The following RFX3 variants were observed in gnomAD, a reference collection of about 807,000 sequenced individuals.
RFX3 encodes the protein regulatory factor X3.
A neutral mutation model predicts 98.6 loss-of-function variants in RFX3; 14 were observed. That is an observed-to-expected ratio of 0.14 (90% CI 0.09 to 0.22). RFX3 has a LOEUF of 0.22. RFX3 is among the 10% of genes least tolerant of loss of function. The pLI is 1.00. For synonymous variants in RFX3, 383 were observed against 328.4 expected (o/e 1.17, Z -1.80); for missense variants, 639 against 926.9 (o/e 0.69, Z 4.03).
chr9:3,259,800 A>C (rs1311943239), intron 13 of RFX3, among the ~76,000 whole-genome samples: 4 of 152,088 alleles, frequency 2.6e-5, no homozygotes, highest in African/African-American at 7.2e-5. Flanking sequence ...AGTAGTGAAA[A>C]GTGATATATG....
intron 1 of RFX3, among the ~76,000 whole-genome samples, chr9:3,488,049 G>A (rs974999928): frequency 2.0e-5 from 3 of 152,034 alleles, no homozygotes; most frequent in African/African-American, 7.2e-5. Flanking sequence ...TATAGGCTAG[G>A]CAATATTTTA....
chr9:3,473,263 G>C (rs918307469), intron 1 of RFX3, among the ~76,000 whole-genome samples: 1 of 152,154 alleles, frequency 6.6e-6, no homozygotes, highest in Non-Finnish European at 1.5e-5. Flanking sequence ...TCTACTTCAA[G>C]TATTAGCTGC....
chr9:3,430,286 TCTC>T (rs1844529998), intron 1 of RFX3, among the ~76,000 whole-genome samples: 1 of 152,176 alleles, frequency 6.6e-6, no homozygotes, highest in South Asian at 2.1e-4. Context: ...TAACCATCAA[TCTC>T]CTTAAATCTC....
intron 1 of RFX3, among the ~76,000 whole-genome samples, chr9:3,491,539 C>T (rs1850717823): frequency 6.6e-6 from 1 of 152,106 alleles, no homozygotes; most frequent in Non-Finnish European, 1.5e-5. Flanking sequence ...ATCCTTTTCT[C>T]CTACTACCTT....
chr9:3,263,554 A>G lies in RFX3; in HGVS notation c.1456-470T>C, dbSNP rs570880605. On this transcript the variant is annotated intron_variant, in intron 12 of 16. Coordinates refer to ENST00000617270, the MANE Select transcript of RFX3 (RefSeq NM_001282116.2). ...CTCTTTACATTGTATTTAAAAATGC[A>G]TGTGAGAGCATTACCATTCAGATTT... Among the ~76,000 whole-genome samples the G allele has an allele frequency of 5.3e-5, 8 of 152,344 alleles. No homozygotes were observed. In the East Asian group the frequency reaches 1.4e-3, roughly 26 times the overall value.
At chr9:3,381,502 CAT>C (rs1197566067) in intron 2 of RFX3, among the ~76,000 whole-genome samples, 4 of 152,016 alleles carry the variant, frequency 2.6e-5, no homozygotes, top group African/African-American at 9.7e-5. Context: ...CAAAAAGAAA[CAT>C]GTAAATCTGT....
chr9:3,520,187 A>C (rs1208194038), intron 1 of RFX3, among the ~76,000 whole-genome samples: 3 of 152,210 alleles, frequency 2.0e-5, no homozygotes, highest in African/African-American at 7.2e-5. Flanking sequence ...TGCCTAACCT[A>C]TTTTAGCAAG....
At chr9:3,387,767 A>T (rs1169414557) in intron 2 of RFX3, among the ~76,000 whole-genome samples, 1 of 152,118 alleles carries the variant, frequency 6.6e-6, no homozygotes, top group Non-Finnish European at 1.5e-5. Flanking sequence ...AGTCCCAAGT[A>T]AGAGCAAACC....
intron 4 of RFX3, among the ~76,000 whole-genome samples, chr9:3,303,080 C>A (rs530991338): frequency 6.6e-6 from 1 of 151,840 alleles, no homozygotes; most frequent in East Asian, 1.9e-4. Context: ...ACTTCTTAAT[C>A]ATTCTCTTCT....
chr9:3,429,422 TATATATAATATA>T (rs1222872193), intron 1 of RFX3, among the ~76,000 whole-genome samples: 2 of 149,574 alleles, frequency 1.3e-5, no homozygotes, highest in African/African-American at 4.9e-5. Flanking sequence ...AATATACAAA[TATATATAATATA>T]ATATAATTGT....
chr9:3,396,635 G>C (rs926704568), intron 1 of RFX3, among the ~76,000 whole-genome samples: 68 of 152,258 alleles, frequency 4.5e-4, no homozygotes, highest in African/African-American at 1.6e-3. Context: ...CACAATGGTT[G>C]AACTAGTTTA....
At chr9:3,340,458 G>C (rs1329677007) in intron 3 of RFX3, among the ~76,000 whole-genome samples, 2 of 152,098 alleles carry the variant, frequency 1.3e-5, no homozygotes, top group Non-Finnish European at 2.9e-5. Flanking sequence ...CCATCAGAGT[G>C]AACAGACAAC....
At chr9:3,341,291 T>C (rs560610348) in intron 3 of RFX3, among the ~76,000 whole-genome samples, 22 of 151,768 alleles carry the variant, frequency 1.4e-4, no homozygotes, top group Admixed American at 3.9e-4. Flanking sequence ...CATTAGGAGA[T>C]ATACCTAATG....
intron 1 of RFX3, among the ~76,000 whole-genome samples, chr9:3,475,355 C>T (rs901670262): frequency 5.3e-5 from 8 of 151,276 alleles, no homozygotes; most frequent in Admixed American, 3.3e-4. Context: ...ACGCAGAGAC[C>T]GGTAGTGGCC....
chr9:3,503,493 G>T (rs929831066), intron 1 of RFX3, among the ~76,000 whole-genome samples: 3 of 152,044 alleles, frequency 2.0e-5, no homozygotes, highest in Non-Finnish European at 4.4e-5. Flanking sequence ...CATAATGGAT[G>T]ACAGGCACAT....
chr9:3,315,664 T>A (rs200069289), intron 4 of RFX3, among the ~76,000 whole-genome samples: 1 of 151,942 alleles, frequency 6.6e-6, no homozygotes, highest in Non-Finnish European at 1.5e-5. Flanking sequence ...AAGAATCAGA[T>A]AGATGCAATA....
chr9:3,248,255 C>G (rs1820937678), intron 14 of RFX3, 70 bp from the exon 15 acceptor site: 2 of 1,474,938 alleles, frequency 1.4e-6, no homozygotes, highest in East Asian at 4.8e-5. Context: ...CCTATTTTTC[C>G]TCTTAAAAAA....
intron 7 of RFX3, among the ~76,000 whole-genome samples, chr9:3,286,978 C>G (rs1365795915): frequency 1.3e-5 from 2 of 151,886 alleles, no homozygotes; most frequent in African/African-American, 2.4e-5. Context: ...CCGAAAACTC[C>G]TCTGTATTGT....
intron 2 of RFX3, among the ~76,000 whole-genome samples, chr9:3,355,773 G>A (rs917620350): frequency 2.0e-5 from 3 of 151,742 alleles, no homozygotes; most frequent in African/African-American, 7.3e-5. Context: ...GAAAGTTCAG[G>A]AATAAATGAG....
Sources: allele counts gnomAD v4.1 joint callset (sites outside exome capture counted in the v4.1 genomes callset), GRCh38; gene constraint gnomAD v4.1.1; transcripts MANE v1.5; gene names NCBI Gene and HGNC (gene_info 2026-07-23, HGNC 2026-07-21).